DSG2: variants seen among roughly 807,000 people sequenced by gnomAD.
DSG2 encodes the protein desmoglein-2.
In DSG2, 45 loss-of-function variants were observed where a neutral mutation model predicts 75.6. The ratio of observed to expected loss-of-function variants is 0.60; its 90% CI spans 0.47 to 0.76. The LOEUF is 0.76. Among genes scored for constraint, DSG2 ranks in the 30% least tolerant of loss-of-function variants. The pLI is 0.00. For synonymous variants in DSG2, 429 were observed against 483.9 expected (o/e 0.89, Z 1.49); for missense variants, 1,267 against 1,357.4 (o/e 0.93, Z 1.05).
In DSG2 at chr18:31,545,878, T is replaced by A. The variant is rs1420028518; in HGVS notation, c.2492T>A (p.Leu831His). Residue 831 changes from leucine (L) to histidine (H), a missense_variant, in exon 15 of 15, where the codon CTT (leucine) becomes CAT (histidine). Transcript: ENST00000261590. ...LDDRFLDDLG[L>H]KFKTLAEVCL... ...GACCGCTTCTTAGATGATTTGGGAC[T>A]TAAATTCAAGACACTAGCTGAAGTT... 14 of 1,614,034 alleles carry A rather than the reference T, an allele frequency of 8.7e-6. No individual in the cohort carries two copies. The highest frequency in any genetic ancestry group is 2.2e-5 in the East Asian group (1 of 44,898).
At position 31,547,896 on chromosome 18, in the gene DSG2, T is replaced by C. The variant is rs1292584287; in HGVS notation, c.*1153T>C. On this transcript the variant is annotated 3_prime_UTR_variant, in exon 15 of 15. Transcript: ENST00000261590. The stretch of plus-strand genomic sequence containing the variant: ...TCAGTGCAGCTACATTAACCAACTA[T>C]GTTCTCTAGTTGAGAACAACTAGGC... 3 of 152,176 alleles carry C rather than the reference T, an allele frequency of 2.0e-5. No homozygotes were observed. Among genetic ancestry groups the C allele is most frequent in the East Asian group, 1.9e-4 (1 of 5,190 alleles). 9.4% of individuals were successfully genotyped at this position (152,176 alleles called of 1,614,324 possible).
In DSG2 at chr18:31,546,361, T is replaced by C. The variant is rs1339663988; in HGVS notation, c.2975T>C (p.Ile992Thr). ...EGTVVVTERV[I>T]QPHGGGSNPL... is the part of the protein sequence containing the mutation. The stretch of plus-strand genomic sequence containing the variant: ...ACAGTTGTGGTCACTGAAAGAGTAA[T>C]ACAGCCTCATGGGGGTGGATCGAAT... The change falls in exon 15 of 15, where the codon ATA (isoleucine) becomes ACA (threonine). Residue 992 changes from isoleucine (I) to threonine (T), a missense_variant. By Grantham distance (89) the Ile-to-Thr change is moderately conservative. Coordinates refer to ENST00000261590, the MANE Select transcript of DSG2 (RefSeq NM_001943.5). 5 of 1,613,758 alleles carry C rather than the reference T, an allele frequency of 3.1e-6. No individual in the cohort carries two copies. The African/African-American group carries it at 6.7e-5, about 22-fold the overall frequency.
In DSG2 at chr18:31,524,759, G is replaced by T. The variant is rs534674777; in HGVS notation, c.885G>T (p.Val295=). The T allele has an allele frequency of 4.3e-6, 7 of 1,614,074 alleles. No individual in the cohort carries two copies. In the Admixed American group the frequency reaches 5.0e-5, roughly 12 times the overall value. ...QVNVEVTRIK[V]FDADEIGSDN... ...ACGTAGAAGTTACGCGCATAAAAGT[G>T]TTCGATGCAGATGAAATAGGTTCTG... The change falls in exon 8 of 15, where the codon GTG becomes GTT. Residue 295 remains valine (V), a synonymous_variant. Transcript: ENST00000261590.
intron 1 of DSG2, among the ~76,000 whole-genome samples, chr18:31,509,684 C>T (rs948591668): frequency 6.6e-6 from 1 of 152,064 alleles, no homozygotes; most frequent in Non-Finnish European, 1.5e-5. Flanking sequence ...AAATCTGACC[C>T]ACGTCAGATT....
chr18:31,510,759 G>A (rs1006174817), intron 1 of DSG2, among the ~76,000 whole-genome samples: 1 of 152,056 alleles, frequency 6.6e-6, no homozygotes, highest in Non-Finnish European at 1.5e-5. Flanking sequence ...GAATTTTTTG[G>A]TTCATCTGAA....
At chr18:31,528,821 A>G (rs2073177767) in intron 8 of DSG2, among the ~76,000 whole-genome samples, 1 of 152,160 alleles carries the variant, frequency 6.6e-6, no homozygotes, top group African/African-American at 2.4e-5. Context: ...AGGTGAAACA[A>G]TGGGGATAGA....
chr18:31,518,668 G>C (rs1394524539), intron 2 of DSG2, among the ~76,000 whole-genome samples: 2 of 151,912 alleles, frequency 1.3e-5, no homozygotes, highest in Non-Finnish European at 2.9e-5. Flanking sequence ...TGAATACTTT[G>C]TGAGGTATAA....
Position 31,546,315 on chromosome 18 carries a change from C to T in DSG2, c.2929C>T (p.Gln977Ter), listed in dbSNP as rs2073309147. 2 of 1,604,850 alleles carry T rather than the reference C, an allele frequency of 1.2e-6. No individual in the cohort carries two copies. Among genetic ancestry groups the T allele is most frequent in the Middle Eastern group, 1.7e-4 (1 of 5,996 alleles). Residue 977 changes from glutamine (Q) to a stop codon, truncating the protein, a stop_gained, in exon 15 of 15, where the codon CAG (glutamine) becomes TAG (stop). Coordinates refer to ENST00000261590, the MANE Select transcript of DSG2 (RefSeq NM_001943.5). LOFTEE classifies it low-confidence loss of function (END_TRUNC). ...TGCTCCAGCTTCTACCTTGGTAGAT[C>T]AGCCTTATGCTAATGAAGGTACAGT... ...VYAPASTLVD[Q>*]PYANEGTVVV...
chr18:31,522,767 C>T (rs2073136745), intron 6 of DSG2, among the ~76,000 whole-genome samples: 1 of 152,054 alleles, frequency 6.6e-6, no homozygotes, highest in African/African-American at 2.4e-5. Context: ...TTAGGAGGCT[C>T]CTCCACGGCT....
rs2073028625 is a variant in DSG2, at chr18:31,504,385, G to C, written c.45+6089G>C. Among the ~76,000 whole-genome samples the C allele has an allele frequency of 3.3e-5, 5 of 152,224 alleles. No homozygotes were observed. The South Asian group carries it at 8.3e-4, about 25-fold the overall frequency. On this transcript the variant is annotated intron_variant, in intron 1 of 14. Transcript: ENST00000261590. ...CTTAGACCCCAAAAGTGCTAATTGA[G>C]AAACTGGGCAAGGGTCCTAGCTCAG...
At chr18:31,513,902 G>T (rs1024050227) in intron 1 of DSG2, among the ~76,000 whole-genome samples, 1 of 152,090 alleles carries the variant, frequency 6.6e-6, no homozygotes. Context: ...GCATAATACT[G>T]ATCTAATCGT....
intron 5 of DSG2, 79 bp from the exon 6 acceptor site, chr18:31,522,004 G>A (rs1170505979): frequency 8.6e-6 from 12 of 1,393,776 alleles, no homozygotes; most frequent in Middle Eastern, 3.6e-4. Flanking sequence ...TTTGGAACAA[G>A]CTAAAATTAT....
intron 3 of DSG2, 100 bp from the exon 4 acceptor site, chr18:31,520,703 T>C: frequency 1.6e-6 from 2 of 1,257,028 alleles, no homozygotes; most frequent in Admixed American, 2.2e-5. Context: ...AATATTTACC[T>C]GTAAATTATA....
At chr18:31,503,868 C>T (rs1299764499) in intron 1 of DSG2, among the ~76,000 whole-genome samples, 1 of 152,086 alleles carries the variant, frequency 6.6e-6, no homozygotes, top group Non-Finnish European at 1.5e-5. Context: ...TATTTAGTTC[C>T]CAAGGTCCAG....
rs1321285240 is a variant in DSG2 at position 31,530,968 on chromosome 18, C to T, written c.1015-19C>T. On this transcript the variant is annotated intron_variant, in intron 8 of 14. Transcript: ENST00000261590. ...CTGTTTTCTCTTTGAAAAGAATTCC[C>T]TTTGGTTTTCCCTTTCAGGAAGTAG... is the stretch of plus-strand genomic sequence containing the variant. 2 of 1,613,126 alleles carry T rather than the reference C, an allele frequency of 1.2e-6. No individual in the cohort carries two copies. Among genetic ancestry groups the T allele is most frequent in the Admixed American group, 3.3e-5 (2 of 59,996 alleles).
Position 31,535,496 on chromosome 18 carries a change from G to C in DSG2, c.1423+84G>C. On this transcript the variant is annotated intron_variant, in intron 10 of 14. Coordinates refer to ENST00000261590, the MANE Select transcript of DSG2 (RefSeq NM_001943.5). ...CATCAGAAACCATTGATTTGATTGT[G>C]TATAAAAACCTAATCTCGGCCGGGA... 2.3e-6 allele frequency: 3 copies of C among 1,319,568 alleles called. No homozygotes were observed. In the South Asian group the frequency reaches 3.8e-5, roughly 17 times the overall value. 81.7% of individuals were successfully genotyped at this position (1,319,568 alleles called of 1,614,324 possible).
chr18:31,520,939 A>T lies in DSG2; in HGVS notation c.353A>T (p.Asp118Val). The T allele has an allele frequency of 6.2e-7, 1 of 1,613,812 alleles. No individual in the cohort carries two copies. Among genetic ancestry groups the T allele is most frequent in the Non-Finnish European group, 8.5e-7 (1 of 1,179,898 alleles). ...GAACTGAATGTTACCAGCATTCTTG[A>T]TCGAGAAGAAACACCATTTTTTCTG... ...TGELNVTSIL[D>V]REETPFFLLT... is the part of the protein sequence containing the mutation. The change falls in exon 4 of 15, where the codon GAT (aspartate) becomes GTT (valine). Residue 118 changes from aspartate to valine, a missense_variant. Asp to Val is a radical substitution (Grantham distance 152). Coordinates refer to ENST00000261590, the MANE Select transcript of DSG2 (RefSeq NM_001943.5).
At chr18:31,519,532 C>G (rs1415473909) in intron 2 of DSG2, among the ~76,000 whole-genome samples, 1 of 152,142 alleles carries the variant, frequency 6.6e-6, no homozygotes, top group African/African-American at 2.4e-5. Flanking sequence ...CCACTGCACT[C>G]CAGCCTGGGT....
intron 6 of DSG2, 67 bp from the exon 7 acceptor site, chr18:31,524,380 TA>T: frequency 1.2e-6 from 2 of 1,609,178 alleles, no homozygotes; most frequent in Non-Finnish European, 1.7e-6. Flanking sequence ...TAAACTGGAC[TA>T]AAACCAGAAA....
Sources: allele counts gnomAD v4.1 joint callset (sites outside exome capture counted in the v4.1 genomes callset), GRCh38; gene constraint gnomAD v4.1.1; transcripts MANE v1.5; gene names NCBI Gene and HGNC (gene_info 2026-07-23, HGNC 2026-07-21).